MMP26: variants seen among roughly 807,000 people sequenced by gnomAD.
The protein encoded by MMP26 is matrix metallopeptidase 26.
Under a neutral mutation model 31.0 loss-of-function variants are expected in MMP26, and 33 were observed. The observed-to-expected ratio is 1.06, with a 90% CI of 0.81 to 1.42. The LOEUF (loss-of-function observed/expected upper bound fraction) is 1.42, where lower values mean the gene tolerates loss of function less well. MMP26 is among the 40% of genes most tolerant of loss of function. MMP26 has a pLI of 0.00. For synonymous variants in MMP26, 122 were observed against 114.9 expected (o/e 1.06, Z -0.40); for missense variants, 347 against 316.1 (o/e 1.10, Z -0.74).
intron 2 of MMP26, among the ~76,000 whole-genome samples, chr11:4,921,359 A>T (rs1432421402): frequency 6.6e-6 from 1 of 152,228 alleles, no homozygotes; most frequent in Non-Finnish European, 1.5e-5. Flanking sequence ...TAAGTGGACT[A>T]GGTTGTAAAC....
chr11:4,789,530 C>CCTTTTT (rs1848993184), intron 2 of MMP26, among the ~76,000 whole-genome samples: 3 of 65,940 alleles, frequency 4.5e-5, no homozygotes, highest in Admixed American at 2.8e-4. Context: ...TATCCCCCCA[C>CCTTTTT]TTTTTTTTTT....
At chr11:4,896,622 A>G (rs1850707476) in intron 2 of MMP26, among the ~76,000 whole-genome samples, 1 of 152,144 alleles carries the variant, frequency 6.6e-6, no homozygotes, top group East Asian at 1.9e-4. Context: ...TAATCGATAT[A>G]TTATTTTAGG....
intron 1 of MMP26, among the ~76,000 whole-genome samples, chr11:4,742,301 T>C (rs1362929634): frequency 6.6e-6 from 1 of 152,132 alleles, no homozygotes; most frequent in African/African-American, 2.4e-5. Flanking sequence ...ATAGTGTGGA[T>C]AGTAAATTTG....
At chr11:4,904,757 G>A (rs541769649) in intron 2 of MMP26, among the ~76,000 whole-genome samples, 1 of 151,526 alleles carries the variant, frequency 6.6e-6, no homozygotes, top group Admixed American at 6.6e-5. Context: ...TGTTGCCAGA[G>A]AAAAAAAGGG....
chr11:4,890,984 A>AT (rs1203611836), intron 2 of MMP26, among the ~76,000 whole-genome samples: 1 of 120,780 alleles, frequency 8.3e-6, no homozygotes, highest in East Asian at 2.0e-4. Context: ...ACTCAGAATA[A>AT]TAATAATAAT....
chr11:4,791,938 T>G (rs1376435965), intron 2 of MMP26, among the ~76,000 whole-genome samples: 1 of 151,916 alleles, frequency 6.6e-6, no homozygotes, highest in African/African-American at 2.4e-5. Flanking sequence ...TAGGTTTTCT[T>G]TGGGTCTTTA....
intron 2 of MMP26, among the ~76,000 whole-genome samples, chr11:4,842,890 A>G (rs993277732): frequency 2.6e-5 from 4 of 152,256 alleles, no homozygotes; most frequent in African/African-American, 9.6e-5. Context: ...ATGGGGGTAC[A>G]GGCATTGGGT....
chr11:4,894,567 A>C (rs561615751), intron 2 of MMP26, among the ~76,000 whole-genome samples: 10 of 152,154 alleles, frequency 6.6e-5, no homozygotes, highest in Non-Finnish European at 1.3e-4. Flanking sequence ...ATTTTAATCA[A>C]TTAATGTCAT....
chr11:4,986,932 C>CTCTCTCTCTCTCTCT lies in MMP26; in HGVS notation c.-144-1136_-144-1135insTCTCTCTCTCTCTCT, dbSNP rs1564819722. Among the ~76,000 whole-genome samples, 26 of 60,438 alleles carry CTCTCTCTCTCTCTCT rather than the reference C, an allele frequency of 4.3e-4. 3 individuals carry two copies. The highest frequency in any genetic ancestry group is 5.3e-4 in the Non-Finnish European group (17 of 31,952). 39.6% of individuals were successfully genotyped at this position (60,438 alleles called of 152,430 possible). ...CTCTCTCTCTCTCTCTCTCTCTCTCCCTCTCTCTCTCTCTCTCTCTCTCTC... is the reference window on the plus strand; with the variant it reads ...CTCTCTCTCTCTCTCTCTCTCTCTCCTCTCTCTCTCTCTCTCTCTCTCTCTCTCTCTCTCTCTCTC... On this transcript the variant is annotated intron_variant, in intron 2 of 7. Transcript: ENST00000380390.
intron 2 of MMP26, among the ~76,000 whole-genome samples, chr11:4,843,862 A>G (rs780443444): frequency 4.6e-5 from 7 of 152,234 alleles, no homozygotes; most frequent in Non-Finnish European, 8.8e-5. Flanking sequence ...TTTCAGATAT[A>G]AGCTCTTTGT....
chr11:4,793,745 G>A (rs1263058634), intron 2 of MMP26: 1 of 152,106 alleles, frequency 6.6e-6, no homozygotes, highest in African/African-American at 2.4e-5. Context: ...CAGGAATAAA[G>A]AAAATCAAGT....
At chr11:4,836,857 C>T (rs1403191119) in intron 2 of MMP26, among the ~76,000 whole-genome samples, 15 of 150,316 alleles carry the variant, frequency 1.0e-4, no homozygotes, top group African/African-American at 2.9e-4. Context: ...TTGGTAGAGA[C>T]GTGGTTTCAC....
intron 1 of MMP26, among the ~76,000 whole-genome samples, chr11:4,755,863 A>G (rs571424678): frequency 3.9e-5 from 6 of 152,188 alleles, no homozygotes; most frequent in African/African-American, 1.4e-4. Context: ...TATAAAGAAA[A>G]AAATACTAGC....
chr11:4,992,181 A>C, intron 7 of MMP26, 33 bp from the exon 8 acceptor site: 1 of 1,524,678 alleles, frequency 6.6e-7, no homozygotes, highest in Non-Finnish European at 8.7e-7. Context: ...TTCACCTGAA[A>C]TTTACTGTTG....
At chr11:4,934,961 C>A (rs1312625276) in intron 2 of MMP26, among the ~76,000 whole-genome samples, 1 of 151,548 alleles carries the variant, frequency 6.6e-6, no homozygotes, top group Non-Finnish European at 1.5e-5. Flanking sequence ...CAGTACCATG[C>A]TGTTTTGGTT....
chr11:4,977,057 T>A (rs1426414843), intron 2 of MMP26, among the ~76,000 whole-genome samples: 1 of 152,098 alleles, frequency 6.6e-6, no homozygotes, highest in African/African-American at 2.4e-5. Context: ...GTTCATTTTT[T>A]AAATTTTATC....
At chr11:4,729,053 C>G (rs1409354922) in intron 1 of MMP26, among the ~76,000 whole-genome samples, 2 of 151,584 alleles carry the variant, frequency 1.3e-5, no homozygotes, top group Non-Finnish European at 2.9e-5. Flanking sequence ...TCCCTAGTCA[C>G]AGACATTTAA....
chr11:4,736,480 C>A (rs1848242113), intron 1 of MMP26: 1 of 152,164 alleles, frequency 6.6e-6, no homozygotes, highest in African/African-American at 2.4e-5. Flanking sequence ...TCCACTCCTG[C>A]AGTAACTATG....
intron 2 of MMP26, among the ~76,000 whole-genome samples, chr11:4,970,930 C>A (rs1158617190): frequency 6.6e-6 from 1 of 152,134 alleles, no homozygotes. Flanking sequence ...AGCATGCGGC[C>A]TGGGGTGAAG....
Sources: gnomAD v4.1 joint callset for allele counts (sites outside exome capture counted in the v4.1 genomes callset) on GRCh38, gnomAD v4.1.1 for gene constraint, MANE v1.5 for transcripts, NCBI Gene and HGNC (gene_info 2026-07-23, HGNC 2026-07-21) for gene names.